The following MPP7 variants were observed in gnomAD, a reference collection of about 807,000 sequenced individuals.
MPP7 encodes the protein MAGUK p55 scaffold protein 7.
A neutral mutation model predicts 76.5 loss-of-function variants in MPP7; 60 were observed. The observed-to-expected ratio is 0.78, with a 90% CI of 0.64 to 0.97. MPP7 has a LOEUF of 0.97. MPP7 is among the 50% of genes least tolerant of loss of function. The pLI, the probability that MPP7 is intolerant of heterozygous loss-of-function variation, is 0.00. For missense variants in MPP7, 641 were observed against 694.0 expected (o/e 0.92, Z 0.86); for synonymous variants, 237 against 244.5 (o/e 0.97, Z 0.29).
At chr10:28,267,268 C>T (rs1030387363) in intron 1 of MPP7, among the ~76,000 whole-genome samples, 4 of 152,182 alleles carry the variant, frequency 2.6e-5, no homozygotes, top group Non-Finnish European at 5.9e-5. Context: ...TTGCTAACCT[C>T]TGCATTAGTT....
At chr10:28,233,131 A>G (rs1294090102) in intron 2 of MPP7, among the ~76,000 whole-genome samples, 2 of 152,186 alleles carry the variant, frequency 1.3e-5, no homozygotes, top group African/African-American at 4.8e-5. Context: ...TGGGTTAACA[A>G]TTCTGATACT....
chr10:28,081,074 C>T (rs2069202), intron 12 of MPP7, among the ~76,000 whole-genome samples: 52,193 of 152,002 alleles, frequency 0.34, 12,327 homozygotes, highest in East Asian at 0.95. Flanking sequence ...TTGGGCAGCA[C>T]ATAAGATTCA....
chr10:28,115,259 C>T (rs1007313719), intron 11 of MPP7, among the ~76,000 whole-genome samples: 3 of 152,154 alleles, frequency 2.0e-5, no homozygotes, highest in East Asian at 1.9e-4. Flanking sequence ...TGTGCCACCA[C>T]GCCTGGCTAA....
At chr10:28,214,335 G>A (rs1425547880) in intron 2 of MPP7, among the ~76,000 whole-genome samples, 2 of 152,162 alleles carry the variant, frequency 1.3e-5, no homozygotes, top group Non-Finnish European at 2.9e-5. Flanking sequence ...CTGCTGTCAT[G>A]TTCCCATTCT....
chr10:28,175,395 G>A (rs1836826202), intron 3 of MPP7, among the ~76,000 whole-genome samples: 2 of 151,956 alleles, frequency 1.3e-5, no homozygotes, highest in Admixed American at 1.3e-4. Context: ...AAGTAAAGGA[G>A]CAAGAAGATG....
intron 12 of MPP7, among the ~76,000 whole-genome samples, chr10:28,073,225 T>C (rs1262619541): frequency 2.0e-5 from 3 of 152,130 alleles, no homozygotes; most frequent in Admixed American, 6.5e-5. Flanking sequence ...AGGCTGCCAA[T>C]TTCACCTCCT....
chr10:28,265,620 T>C (rs1257296825), intron 1 of MPP7, among the ~76,000 whole-genome samples: 1 of 152,204 alleles, frequency 6.6e-6, no homozygotes, highest in Non-Finnish European at 1.5e-5. Flanking sequence ...AAACTCTTTT[T>C]CCAACAAATG....
At chr10:28,223,540 TCTAA>T (rs1838590535) in intron 2 of MPP7, among the ~76,000 whole-genome samples, 1 of 152,210 alleles carries the variant, frequency 6.6e-6, no homozygotes, top group South Asian at 2.1e-4. Flanking sequence ...TCAGAGTTCT[TCTAA>T]CTAACTTCCA....
chr10:28,157,052 A>T (rs1177719610), intron 3 of MPP7, among the ~76,000 whole-genome samples: 5 of 152,076 alleles, frequency 3.3e-5, no homozygotes, highest in Non-Finnish European at 7.4e-5. Context: ...TCTACCAAAA[A>T]TACTAAAATT....
intron 2 of MPP7, among the ~76,000 whole-genome samples, chr10:28,309,938 A>G (rs1423029701): frequency 2.0e-5 from 3 of 151,382 alleles, no homozygotes; most frequent in Admixed American, 2.0e-4. Flanking sequence ...CGCCCCAGAA[A>G]CTGAGCAGAT....
chr10:28,059,770 A>T, intron 13 of MPP7, 27 bp from the exon 14 acceptor site: 6 of 1,480,018 alleles, frequency 4.1e-6, no homozygotes, highest in Non-Finnish European at 5.7e-6. Context: ...AGGAGTTTAG[A>T]AAAGCCCACA....
intron 16 of MPP7, 96 bp from the exon 17 acceptor site, chr10:28,054,340 G>T: frequency 1.4e-6 from 1 of 709,216 alleles, no homozygotes; most frequent in Non-Finnish European, 2.3e-6. Flanking sequence ...ACCTAATGCT[G>T]TTCTGTGTTC....
rs147402038 is a variant in MPP7, at chr10:28,146,349, A to G, written c.315+1134T>C. Among the ~76,000 whole-genome samples, 1,456 of 149,258 alleles carry G rather than the reference A, an allele frequency of 9.8e-3. 35 individuals carry two copies. Among genetic ancestry groups the G allele is most frequent in the East Asian group, 0.075 (383 of 5,108 alleles). On this transcript the variant is annotated intron_variant, in intron 5 of 16. Transcript: ENST00000683449. The stretch of plus-strand genomic sequence containing the variant: ...TACAGCAATACATTCATGTACTTAC[A>G]TTTACTTATAGGGATTAGGGTTTAT...
intron 1 of MPP7, among the ~76,000 whole-genome samples, chr10:28,239,265 G>C (rs1351393686): frequency 1.3e-5 from 2 of 151,244 alleles, no homozygotes; most frequent in Admixed American, 1.3e-4. Context: ...CCTGCCCCAG[G>C]CTCCTGAGGA....
intron 2 of MPP7, among the ~76,000 whole-genome samples, chr10:28,208,317 T>C (rs1033406509): frequency 2.0e-5 from 3 of 152,044 alleles, no homozygotes; most frequent in Admixed American, 2.0e-4. Context: ...ATACAGATGG[T>C]TTGAGGCTGG....
intron 5 of MPP7, among the ~76,000 whole-genome samples, chr10:28,145,831 T>C (rs1835685799): frequency 6.6e-6 from 1 of 152,148 alleles, no homozygotes; most frequent in Admixed American, 6.5e-5. Flanking sequence ...CATAATAAAA[T>C]TTAACTAATT....
chr10:28,236,142 G>A (rs936308791), intron 2 of MPP7, among the ~76,000 whole-genome samples: 3 of 152,184 alleles, frequency 2.0e-5, no homozygotes, highest in Non-Finnish European at 4.4e-5. Flanking sequence ...TACACTGACT[G>A]TAGATCATTC....
intron 3 of MPP7, among the ~76,000 whole-genome samples, chr10:28,189,592 A>C (rs976569007): frequency 1.3e-5 from 2 of 150,388 alleles, no homozygotes; most frequent in African/African-American, 2.4e-5. Context: ...AAAAAAAAAA[A>C]AAAAAAACCT....
At chr10:28,091,959 T>G (rs2133459958) in intron 11 of MPP7, among the ~76,000 whole-genome samples, 1 of 152,348 alleles carries the variant, frequency 6.6e-6, no homozygotes, top group East Asian at 1.9e-4. Context: ...ATCTGCAGAT[T>G]TTGGTATCCA....
Sources: gnomAD v4.1 joint callset for allele counts (sites outside exome capture counted in the v4.1 genomes callset) on GRCh38, gnomAD v4.1.1 for gene constraint, MANE v1.5 for transcripts, NCBI Gene and HGNC (gene_info 2026-07-23, HGNC 2026-07-21) for gene names.